MUC4: variants seen among roughly 807,000 people sequenced by gnomAD.
MUC4 encodes mucin-4.
In MUC4, 202 loss-of-function variants were observed where a neutral mutation model predicts 257.9. The ratio of observed to expected loss-of-function variants is 0.78; its 90% CI spans 0.70 to 0.88. The LOEUF is 0.88. Among genes scored for constraint, MUC4 ranks in the 40% least tolerant of loss-of-function variants. The probability of loss-of-function intolerance (pLI) is 0.00; values close to 1 mark genes in which losing one functional copy is unlikely to be tolerated. For synonymous variants in MUC4, 2,351 were observed against 2,757.1 expected (o/e 0.85, Z 4.62); for missense variants, 5,976 against 6,513.7 (o/e 0.92, Z 2.84).
At position 195,790,346 on chromosome 3, in the gene MUC4, G is replaced by A. The variant is rs1252478502; in HGVS notation, c.1234C>T (p.Leu412=). ...STLGNTEETS[L]SVSGTISAIT... ...GCAGAAATGGTTCCACTTACAGATA[G>A]TGATGTCTCCTCTGTGTTTCCAAGA... is the stretch of plus-strand genomic sequence containing the variant. Residue 412 remains leucine (L), a synonymous_variant, in exon 2 of 25, where the codon CTA becomes TTA. Coordinates refer to ENST00000463781, the MANE Select transcript of MUC4 (RefSeq NM_018406.7). 6.2e-7 allele frequency: 1 copy of A among 1,613,946 alleles called. No individual in the cohort carries two copies. The highest frequency in any genetic ancestry group is 1.3e-5 in the African/African-American group (1 of 75,050).
At chr3:195,805,378 G>A (rs1415463007) in intron 1 of MUC4, among the ~76,000 whole-genome samples, 5 of 151,992 alleles carry the variant, frequency 3.3e-5, no homozygotes, top group African/African-American at 4.8e-5. Flanking sequence ...ACAGCACGCC[G>A]GCCAGCTCAA....
At position 195,755,796 on chromosome 3, in the gene MUC4, G is replaced by A. The variant is rs143496656; in HGVS notation, c.15168+1351C>T. 3.3e-5 allele frequency among the ~76,000 whole-genome samples: 5 copies of A among 152,088 alleles called. No homozygotes were observed. The highest frequency in any genetic ancestry group is 4.2e-4 in the South Asian group (2 of 4,810). On this transcript the variant is annotated intron_variant, in intron 18 of 24. Coordinates refer to ENST00000463781, the MANE Select transcript of MUC4 (RefSeq NM_018406.7). This position sits in a 1 kb window ranked among gnomAD's most constrained non-coding sequence, Gnocchi z 5.0. ...TTTTCTACCCCCTACCCCACCAACCGTCCCTACCTCTATCCCTTTCGAGTA... is the reference window on the plus strand; with the variant it reads ...TTTTCTACCCCCTACCCCACCAACCATCCCTACCTCTATCCCTTTCGAGTA...
chr3:195,763,312 G>A (rs1719647621), intron 12 of MUC4, 121 bp downstream of exon 12: 1 of 1,029,442 alleles, frequency 9.7e-7, no homozygotes, highest in African/African-American at 1.7e-5. Flanking sequence ...GATGGGCTGT[G>A]TCCTCCCTCC....
intron 4 of MUC4, 36 bp from the exon 5 acceptor site, chr3:195,771,852 G>T (rs1722952200): frequency 4.4e-6 from 7 of 1,603,428 alleles, no homozygotes; most frequent in Non-Finnish European, 6.0e-6. Flanking sequence ...CATTCAGGGA[G>T]GGAAGTGGGG....
chr3:195,754,968 A>ATGTATCCATGTGTGTG (rs1717371306), intron 18 of MUC4, among the ~76,000 whole-genome samples: 1 of 151,914 alleles, frequency 6.6e-6, no homozygotes, highest in Non-Finnish European at 1.5e-5. Flanking sequence ...CCATGTGTGT[A>ATGTATCCATGTGTGTG]TGTATCCATG....
rs1439192022 is a variant in MUC4 at position 195,762,070 on chromosome 3, G to A, written c.14512+17C>T. On this transcript the variant is annotated intron_variant, in intron 14 of 24. Coordinates refer to ENST00000463781, the MANE Select transcript of MUC4 (RefSeq NM_018406.7). ...TGGCTCCGCGGAGCCTCAGAGGCAG[G>A]TCCGAGCCGCCCTCACCCAGGAGCC... 1 of 1,573,918 alleles carries A rather than the reference G, an allele frequency of 6.4e-7. No homozygotes were observed. Among genetic ancestry groups the A allele is most frequent in the Non-Finnish European group, 8.6e-7 (1 of 1,165,502 alleles).
intron 1 of MUC4, among the ~76,000 whole-genome samples, chr3:195,803,892 T>C (rs933133268): frequency 2.0e-5 from 3 of 151,792 alleles, no homozygotes; most frequent in Non-Finnish European, 2.9e-5. Flanking sequence ...TGCAGAGGGC[T>C]CTGAGCCTGA....
chr3:195,765,633 C>T (rs1720299457), intron 8 of MUC4, among the ~76,000 whole-genome samples, 184 bp from the exon 9 acceptor site: 1 of 152,236 alleles, frequency 6.6e-6, no homozygotes, highest in South Asian at 2.1e-4. Context: ...GCGTCTGCTT[C>T]TGACGACCAA....
At chr3:195,756,038 T>G (rs1232918027) in intron 18 of MUC4, among the ~76,000 whole-genome samples, 1 of 152,138 alleles carries the variant, frequency 6.6e-6, no homozygotes, top group Non-Finnish European at 1.5e-5. Context: ...CATGGAGAAG[T>G]AGTTTCTCCA....
At chr3:195,752,964 C>T in intron 20 of MUC4, 87 bp downstream of exon 20, 1 of 1,205,608 alleles carries the variant, frequency 8.3e-7, no homozygotes, top group Non-Finnish European at 1.2e-6. Flanking sequence ...GCTTCCTCAT[C>T]TTCCCCAAAG....
intron 1 of MUC4, among the ~76,000 whole-genome samples, chr3:195,809,253 TTCCTC>T (rs2149084606): frequency 6.6e-6 from 1 of 152,352 alleles, no homozygotes; most frequent in South Asian, 2.1e-4. Context: ...CCCTGTGTTT[TTCCTC>T]TGGCCTGGGC....
In MUC4 at chr3:195,788,787, G is replaced by A; in HGVS notation, c.2793C>T (p.Thr931=). The stretch of plus-strand genomic sequence containing the variant: ...GAGGTGTGGGTGGGACTGTTGAGAA[G>A]GTGTCGGTTGCCTGGGACGCCAGGC... ...TISLASQATD[T]FSTVPPTPPS... is the part of the protein sequence containing the mutation. The change falls in exon 2 of 25, where the codon ACC becomes ACT. Residue 931 remains threonine (T), a synonymous_variant. Coordinates refer to ENST00000463781, the MANE Select transcript of MUC4 (RefSeq NM_018406.7). 6.2e-7 allele frequency: 1 copy of A among 1,613,944 alleles called. No individual in the cohort carries two copies. Among genetic ancestry groups the A allele is most frequent in the Non-Finnish European group, 8.5e-7 (1 of 1,179,856 alleles).
Position 195,778,397 on chromosome 3 carries a change from G to C in MUC4, c.12849C>G (p.Pro4283=), listed in dbSNP as rs1306061177. ...AAATGATGGTCTGGGAGGTTGTGGGGGGTGGTGATGTGGCTGTGCGTCTCC... is the reference window on the plus strand; with the variant it reads ...AAATGATGGTCTGGGAGGTTGTGGGCGGTGGTGATGTGGCTGTGCGTCTCC... ...DGGRRTATSP[P]PTTSQTIIST... is the part of the protein sequence containing the mutation. The change falls in exon 3 of 25, where the codon CCC becomes CCG. Residue 4283 remains proline, a synonymous_variant. Coordinates refer to ENST00000463781, the MANE Select transcript of MUC4 (RefSeq NM_018406.7). The C allele has an allele frequency of 6.2e-7, 1 of 1,613,228 alleles. No homozygotes were observed. The highest frequency in any genetic ancestry group is 2.2e-5 in the East Asian group (1 of 44,876).
At chr3:195,767,778 T>C (rs1345760710) in intron 7 of MUC4, among the ~76,000 whole-genome samples, 19 of 52,714 alleles carry the variant, frequency 3.6e-4, no homozygotes, top group Non-Finnish European at 6.4e-4. Context: ...ACCACCACCA[T>C]CACCACCATC....
In MUC4 at chr3:195,780,379, G is replaced by C. The variant is rs1217895004; in HGVS notation, c.11201C>G (p.Pro3734Arg). Residue 3734 changes from proline (P) to arginine (R), a missense_variant, in exon 2 of 25, where the codon CCT becomes CGT. Pro to Arg is a moderately radical substitution (Grantham distance 103). This residue lies in a region of MUC4 where 330 missense variants were observed against 262.0 expected (regional missense o/e 1.26). Transcript: ENST00000463781. ...GACGTGACCTGTGGATGCTGAGGAAGGGCTGGTGACATGAAGAGGGGTGAC... is the reference window on the plus strand; with the variant it reads ...GACGTGACCTGTGGATGCTGAGGAACGGCTGGTGACATGAAGAGGGGTGAC... The part of the protein sequence containing the change: ...GHVTPLHVTS[P>R]SSASTGHVTP... The C allele has an allele frequency of 2.1e-6, 3 of 1,419,586 alleles. No individual in the cohort carries two copies. The highest frequency in any genetic ancestry group is 2.5e-5 in the East Asian group (1 of 39,572). 87.9% of individuals were successfully genotyped at this position (1,419,586 alleles called of 1,614,324 possible).
intron 16 of MUC4, 136 bp from the exon 17 acceptor site, chr3:195,759,397 G>A (rs1414161208): frequency 2.5e-6 from 3 of 1,212,340 alleles, no homozygotes; most frequent in Non-Finnish European, 2.3e-6. Context: ...GAATTATTCT[G>A]TGTACCTGCT....
At chr3:195,771,881 G>T in intron 4 of MUC4, 65 bp from the exon 5 acceptor site, 1 of 1,556,666 alleles carries the variant, frequency 6.4e-7, no homozygotes, top group Non-Finnish European at 8.8e-7. Context: ...CCCAGCCTTG[G>T]TCCAGCTCCT....
chr3:195,760,546 G>A (rs1181443845), intron 16 of MUC4, among the ~76,000 whole-genome samples: 19 of 112,156 alleles, frequency 1.7e-4, no homozygotes, highest in East Asian at 4.6e-4. Context: ...CTGGGAAGGG[G>A]TCCAGCGCTA....
rs750016868 is a variant in MUC4, at chr3:195,791,025, C to A, written c.555G>T (p.Arg185Ser). Residue 185 changes from arginine (R) to serine (S), a missense_variant, in exon 2 of 25, where the codon AGG (arginine) becomes AGT (serine). By Grantham distance (110) the Arg-to-Ser change is moderately radical (BLOSUM62 -1). Around this residue, in one of 44 missense-constraint regions of MUC4, gnomAD observed 1,583 missense variants for 1,257.4 expected, o/e 1.26. Coordinates refer to ENST00000463781, the MANE Select transcript of MUC4 (RefSeq NM_018406.7). ...QEGQSRTTSW[R>S]TSIQDTSASS... is the part of the protein sequence containing the mutation. The stretch of plus-strand genomic sequence containing the variant: ...AAGCTGATGTGTCTTGGATAGAGGT[C>A]CTCCAGGAAGTTGTTCGTGATTGTC... 2 of 1,613,766 alleles carry A rather than the reference C, an allele frequency of 1.2e-6. No individual in the cohort carries two copies. Among genetic ancestry groups the A allele is most frequent in the East Asian group, 2.2e-5 (1 of 44,858 alleles).
Sources: gnomAD v4.1 joint callset for allele counts (sites outside exome capture counted in the v4.1 genomes callset) on GRCh38, gnomAD v4.1.1 for gene constraint, gnomAD v4.1.1 regional missense constraint, Gnocchi (gnomAD v3.1) non-coding constraint, MANE v1.5 for transcripts, NCBI Gene and HGNC (gene_info 2026-07-23, HGNC 2026-07-21) for gene names.